Variants in CLEC2L observed in about 807,000 individuals in gnomAD.
The protein encoded by CLEC2L is C-type lectin domain family 2, member L.
CLEC2L carries 14 observed loss-of-function variants against 23.6 expected under a neutral mutation model. That is an observed-to-expected ratio of 0.59 (90% confidence interval 0.39 to 0.93). CLEC2L has a LOEUF of 0.93. Ranked by LOEUF, CLEC2L falls within the 40% of genes least tolerant of loss-of-function variation. The pLI, the probability that CLEC2L is intolerant of heterozygous loss-of-function variation, is 0.00. For synonymous variants in CLEC2L, 114 were observed against 121.3 expected, an observed-to-expected ratio of 0.94 and a Z score of 0.40; for missense variants, 264 against 282.4, an observed-to-expected ratio of 0.93 and a Z score of 0.47.
rs780104728 is a variant in CLEC2L at position 139,540,594 on chromosome 7, C to T, written c.432+107C>T. On this transcript the variant is annotated intron_variant, in intron 3 of 4. Coordinates refer to ENST00000422142, the MANE Select transcript of CLEC2L (RefSeq NM_001080511.4). This position sits in a 1 kb window ranked among gnomAD's most constrained non-coding sequence, Gnocchi z 5.8. ...AAAGGATGCAGTGTTCCCTGTGACA[C>T]GTCTCCAAAGCCGCCCACCTGCTGC... 27 of 1,349,262 alleles carry T rather than the reference C, an allele frequency of 2.0e-5. No individual in the cohort carries two copies. Among genetic ancestry groups the T allele is most frequent in the Non-Finnish European group, 2.7e-5 (26 of 974,848 alleles). The allele number at this position is 1,349,262 out of a possible 1,614,324, so 83.6% of individuals were successfully genotyped here. A position where few individuals can be genotyped will look rare whatever the true frequency, so the allele number is the denominator to read the frequency against.
chr7:139,526,139 G>A lies in CLEC2L; in HGVS notation c.190+2022G>A, dbSNP rs575418353. Reference sequence around the variant, plus strand: ...AGGAGTTTTAGAATCTGGAGTCTGAGTCTGGCCAGGGGCCTCCCTTCTGCC... The same window carrying A: ...AGGAGTTTTAGAATCTGGAGTCTGAATCTGGCCAGGGGCCTCCCTTCTGCC... On this transcript the variant is annotated intron_variant, in intron 1 of 4. Transcript: ENST00000422142. Among the ~76,000 whole-genome samples the A allele has an allele frequency of 2.0e-5, 3 of 152,300 alleles. No individual in the cohort carries two copies. The East Asian group carries it at 5.8e-4, about 29-fold the overall frequency.
At position 139,526,925 on chromosome 7, in the gene CLEC2L, G is replaced by C. The variant is rs115839381; in HGVS notation, c.190+2808G>C. ...TTCACGTAATGAAACACTGTCAATG[G>C]GAGGAGGGATCTGTCCTTTGGGGAC... On this transcript the variant is annotated intron_variant, in intron 1 of 4. Coordinates refer to ENST00000422142, the MANE Select transcript of CLEC2L (RefSeq NM_001080511.4). 8.5e-3 allele frequency among the ~76,000 whole-genome samples: 1,294 copies of C among 152,350 alleles called. 18 individuals carry two copies. Among genetic ancestry groups the C allele is most frequent in the African/African-American group, 0.03 (1,238 of 41,576 alleles).
intron 1 of CLEC2L, among the ~76,000 whole-genome samples, chr7:139,535,426 A>G (rs890172259): frequency 6.6e-6 from 1 of 152,194 alleles, no homozygotes. Context: ...ATGATGAAAA[A>G]GTTTGCAAAC....
chr7:139,527,259 G>A (rs953398943), intron 1 of CLEC2L, among the ~76,000 whole-genome samples: 6 of 152,164 alleles, frequency 3.9e-5, no homozygotes, highest in Non-Finnish European at 8.8e-5. Context: ...GCCCTGTTGT[G>A]AAGGCTCTGA....
intron 1 of CLEC2L, among the ~76,000 whole-genome samples, chr7:139,524,335 C>G (rs1797475367): frequency 6.6e-6 from 1 of 152,308 alleles, no homozygotes; most frequent in African/African-American, 2.4e-5. Context: ...GTCACAGCCT[C>G]GACCCCGCCT....
chr7:139,534,187 A>G, intron 1 of CLEC2L: 1 of 748,484 alleles, frequency 1.3e-6, no homozygotes, highest in South Asian at 1.4e-5. Flanking sequence ...CTCAGAAAGA[A>G]CTACCGGTAG....
At chr7:139,528,355 G>A (rs1797534434) in intron 1 of CLEC2L, among the ~76,000 whole-genome samples, 1 of 152,134 alleles carries the variant, frequency 6.6e-6, no homozygotes, top group African/African-American at 2.4e-5. Flanking sequence ...TTCTCACACT[G>A]CTAATAAAGA....
At chr7:139,543,331 C>T (rs1212769675) in intron 4 of CLEC2L, among the ~76,000 whole-genome samples, 1 of 152,244 alleles carries the variant, frequency 6.6e-6, no homozygotes, top group East Asian at 1.9e-4. Context: ...TTGCACCCCT[C>T]TCCCTGCTTT....
chr7:139,533,847 A>C (rs1440180742), intron 1 of CLEC2L, among the ~76,000 whole-genome samples: 1 of 152,216 alleles, frequency 6.6e-6, no homozygotes, highest in East Asian at 1.9e-4. Context: ...TTTGGCACTT[A>C]TATCATGATG....
At position 139,544,390 on chromosome 7, in the gene CLEC2L, T is replaced by C; in HGVS notation, c.*48T>C. The C allele has an allele frequency of 7.4e-7, 1 of 1,354,582 alleles. No homozygotes were observed. Among genetic ancestry groups the C allele is most frequent in the Non-Finnish European group, 1.0e-6 (1 of 962,764 alleles). 83.9% of individuals were successfully genotyped at this position (1,354,582 alleles called of 1,614,324 possible). The stretch of plus-strand genomic sequence containing the variant: ...CCCGCCCCTAGGCCTGTGGGAGGTG[T>C]CTGGTGTCTGCTCAAGACCTGCTTC... On this transcript the variant is annotated 3_prime_UTR_variant, in exon 5 of 5. Transcript: ENST00000422142.
chr7:139,544,532 G>T lies in CLEC2L; in HGVS notation c.*190G>T. On this transcript the variant is annotated 3_prime_UTR_variant, in exon 5 of 5. Transcript: ENST00000422142. Reference sequence around the variant, plus strand: ...TGGTTCCTGGCCTCCTTTGTCTGCAGGCAGGTCGTGTGGCTCAGCAGTTAA... The same window carrying T: ...TGGTTCCTGGCCTCCTTTGTCTGCATGCAGGTCGTGTGGCTCAGCAGTTAA... 1 of 596,194 alleles carries T rather than the reference G, an allele frequency of 1.7e-6. No homozygotes were observed. The highest frequency in any genetic ancestry group is 2.0e-5 in the South Asian group (1 of 49,622). 36.9% of individuals were successfully genotyped at this position (596,194 alleles called of 1,614,324 possible). A position where few individuals can be genotyped will look rare whatever the true frequency, so the allele number is the denominator to read the frequency against.
chr7:139,534,493 G>C, intron 1 of CLEC2L: 2 of 780,292 alleles, frequency 2.6e-6, no homozygotes, highest in South Asian at 1.3e-5. Context: ...TATAAAAAAA[G>C]ACTGGATTAA....
chr7:139,523,791 C>A lies in CLEC2L; in HGVS notation c.-137C>A. ...CGCGGGGAGCCGGGCTCAGCCCCGGCCTGCCAGCGCCGCGGTCCTAGCCCA... is the reference window on the plus strand; with the variant it reads ...CGCGGGGAGCCGGGCTCAGCCCCGGACTGCCAGCGCCGCGGTCCTAGCCCA... On this transcript the variant is annotated 5_prime_UTR_variant, in exon 1 of 5. Coordinates refer to ENST00000422142, the MANE Select transcript of CLEC2L (RefSeq NM_001080511.4). The surrounding 1 kb of genome is among the most constrained non-coding windows in gnomAD (Gnocchi z 4.1). The A allele has an allele frequency of 2.2e-6, 1 of 449,914 alleles. No individual in the cohort carries two copies. The highest frequency in any genetic ancestry group is 2.9e-6 in the Non-Finnish European group (1 of 342,186). The allele number at this position is 449,914 out of a possible 1,614,324, so 27.9% of individuals were successfully genotyped here. A position where few individuals can be genotyped will look rare whatever the true frequency, so the allele number is the denominator to read the frequency against.
In CLEC2L at chr7:139,540,765, CATT is replaced by C. The variant is rs1227096827; in HGVS notation, c.432+281_432+283del. 6.6e-6 allele frequency among the ~76,000 whole-genome samples: 1 copy of C among 152,164 alleles called. No individual in the cohort carries two copies. The highest frequency in any genetic ancestry group is 6.5e-5 in the Admixed American group (1 of 15,278). On this transcript the variant is annotated intron_variant, in intron 3 of 4. Transcript: ENST00000422142. This position sits in a 1 kb window ranked among gnomAD's most constrained non-coding sequence, Gnocchi z 5.8. ...AGTATTATAAACCAGAAGAATTACA[CATT>C]ATAAAGCTGGTGATGTGGTATCCAC...
Position 139,524,056 on chromosome 7 carries a change from G to A in CLEC2L, c.129G>A (p.Gly43=), listed in dbSNP as rs982493203. 6.6e-6 allele frequency: 8 copies of A among 1,220,240 alleles called. No individual in the cohort carries two copies. Among genetic ancestry groups the A allele is most frequent in the Middle Eastern group, 3.2e-4 (1 of 3,162 alleles). 75.6% of individuals were successfully genotyped at this position (1,220,240 alleles called of 1,614,324 possible). The change falls in exon 1 of 5, where the codon GGG becomes GGA. Residue 43 remains glycine, a synonymous_variant. Transcript: ENST00000422142. The part of the protein sequence containing the change: ...PAEAEARGPE[G]LLRRSGSGYE... ...AGGCTGAGGCCCGCGGCCCCGAGGGGCTGCTGCGGCGATCCGGGTCGGGCT... is the reference window on the plus strand; with the variant it reads ...AGGCTGAGGCCCGCGGCCCCGAGGGACTGCTGCGGCGATCCGGGTCGGGCT...
chr7:139,529,752 T>TCCTTC (rs1265701168), intron 1 of CLEC2L, among the ~76,000 whole-genome samples: 1 of 152,174 alleles, frequency 6.6e-6, no homozygotes, highest in Non-Finnish European at 1.5e-5. Flanking sequence ...TTTTCTTTTT[T>TCCTTC]CCTTCAGAAG....
intron 1 of CLEC2L, among the ~76,000 whole-genome samples, chr7:139,530,992 C>T (rs143781768): frequency 6.6e-6 from 1 of 152,050 alleles, no homozygotes. Context: ...CTCATCCATC[C>T]AAGAGGAAAA....
intron 1 of CLEC2L, among the ~76,000 whole-genome samples, chr7:139,533,216 T>C (rs1797604130): frequency 1.3e-5 from 2 of 152,058 alleles, no homozygotes; most frequent in South Asian, 4.2e-4. Flanking sequence ...TAATGGAAAA[T>C]GAATAAATTA....
intron 1 of CLEC2L, among the ~76,000 whole-genome samples, chr7:139,527,841 C>G (rs1036211705): frequency 6.6e-6 from 1 of 152,142 alleles, no homozygotes; most frequent in African/African-American, 2.4e-5. Context: ...CTTTTAGCCT[C>G]TTAAAAATTT....
Sources: allele counts gnomAD v4.1 joint callset (sites outside exome capture counted in the v4.1 genomes callset), GRCh38; gene constraint gnomAD v4.1.1; non-coding constraint Gnocchi (gnomAD v3.1); transcripts MANE v1.5; gene names NCBI Gene and HGNC (gene_info 2026-07-23, HGNC 2026-07-21).